The following MEIS2 variants were observed in gnomAD, a reference collection of about 807,000 sequenced individuals.
MEIS2 encodes the protein Meis homeobox 2.
MEIS2 carries 9 observed loss-of-function variants against 58.6 expected under a neutral mutation model. The ratio of observed to expected loss-of-function variants is 0.15; its 90% CI spans 0.09 to 0.27. The LOEUF is 0.27. Ranked by LOEUF, MEIS2 falls within the 10% of genes least tolerant of loss-of-function variation. The pLI is 1.00. For synonymous variants in MEIS2, 221 were observed against 228.4 expected, an observed-to-expected ratio of 0.97 and a Z score of 0.29; for missense variants, 427 against 635.0, an observed-to-expected ratio of 0.67 and a Z score of 3.52.
chr15:37,083,749 A>G, intron 7 of MEIS2, 22 bp downstream of exon 7: 1 of 1,599,736 alleles, frequency 6.3e-7, no homozygotes, highest in Non-Finnish European at 8.6e-7. Context: ...ACTTTGCACG[A>G]GGAAAATGTT....
chr15:37,072,101 G>A (rs1478932880), intron 7 of MEIS2, among the ~76,000 whole-genome samples: 3 of 151,882 alleles, frequency 2.0e-5, no homozygotes, highest in Non-Finnish European at 4.4e-5. Context: ...CATTCAACAC[G>A]CACCCACCTT....
At chr15:37,077,336 C>G (rs1848629257) in intron 7 of MEIS2, among the ~76,000 whole-genome samples, 1 of 151,978 alleles carries the variant, frequency 6.6e-6, no homozygotes, top group South Asian at 2.1e-4. Context: ...TCTACAAGTT[C>G]CCCGAAAGCC....
At chr15:37,096,034 C>T (rs552807782) in intron 3 of MEIS2, 298 of 477,396 alleles carry the variant, frequency 6.2e-4, no homozygotes, top group African/African-American at 5.3e-3. Flanking sequence ...GGCCAAGCCC[C>T]AGATTAGGAG....
chr15:37,095,688 C>A, intron 3 of MEIS2, 74 bp from the exon 4 acceptor site: 2 of 1,604,640 alleles, frequency 1.2e-6, no homozygotes, highest in Non-Finnish European at 1.7e-6. Flanking sequence ...AGAATGGGTA[C>A]GGTGGAGGGC....
chr15:37,061,600 A>C (rs1325492293), intron 7 of MEIS2, among the ~76,000 whole-genome samples: 1 of 152,216 alleles, frequency 6.6e-6, no homozygotes, highest in Non-Finnish European at 1.5e-5. Flanking sequence ...TACCTTGTTA[A>C]GTCATTCATT....
At chr15:37,030,353 G>T (rs2061864968) in intron 8 of MEIS2, among the ~76,000 whole-genome samples, 1 of 151,924 alleles carries the variant, frequency 6.6e-6, no homozygotes, top group South Asian at 2.1e-4. Context: ...CTACTGAGGG[G>T]TATTTCCATT....
chr15:37,090,837 T>C (rs568869395), intron 6 of MEIS2, among the ~76,000 whole-genome samples: 1 of 152,286 alleles, frequency 6.6e-6, no homozygotes, highest in African/African-American at 2.4e-5. Flanking sequence ...TCATTATTCA[T>C]AGCCAATAAG....
At chr15:36,911,757 A>G (rs1169262987) in intron 9 of MEIS2, among the ~76,000 whole-genome samples, 1 of 152,190 alleles carries the variant, frequency 6.6e-6, no homozygotes, top group Non-Finnish European at 1.5e-5. Flanking sequence ...GGAGGCAAAA[A>G]TGACTCAATT....
intron 7 of MEIS2, among the ~76,000 whole-genome samples, chr15:37,067,811 A>G (rs980719015): frequency 1.3e-5 from 2 of 152,160 alleles, no homozygotes; most frequent in African/African-American, 4.8e-5. Flanking sequence ...GTCTTGAGCT[A>G]TTGTTCTCTT....
chr15:37,100,880 A>AG, upstream of MEIS2: 1 of 151,656 alleles, frequency 6.6e-6, no homozygotes, highest in East Asian at 2.0e-4. Flanking sequence ...TTAAAAAAAA[A>AG]AAAAAACTTA....
At chr15:37,035,770 T>C (rs918449294) in intron 8 of MEIS2, among the ~76,000 whole-genome samples, 13 of 152,216 alleles carry the variant, frequency 8.5e-5, no homozygotes, top group African/African-American at 3.1e-4. Context: ...TTGCCCTTTG[T>C]AGCTCTGCAA....
At chr15:36,934,275 T>C (rs2058085197) in intron 9 of MEIS2, among the ~76,000 whole-genome samples, 1 of 152,124 alleles carries the variant, frequency 6.6e-6, no homozygotes, top group Non-Finnish European at 1.5e-5. Context: ...TGTTTTTTTT[T>C]TTCCTCCGTA....
At chr15:37,079,145 GAA>G (rs1439668341) in intron 7 of MEIS2, among the ~76,000 whole-genome samples, 1 of 151,966 alleles carries the variant, frequency 6.6e-6, no homozygotes. Context: ...AAAAGAGAAA[GAA>G]AATGCAATGT....
At chr15:37,036,775 AC>A (rs2062172708) in intron 8 of MEIS2, 38 bp downstream of exon 8, 1 of 1,598,808 alleles carries the variant, frequency 6.3e-7, no homozygotes, top group African/African-American at 1.4e-5. Flanking sequence ...TAGCAAAACA[AC>A]AAAAACTATT....
chr15:37,038,095 T>C (rs2062239489), intron 7 of MEIS2, among the ~76,000 whole-genome samples: 1 of 152,206 alleles, frequency 6.6e-6, no homozygotes, highest in East Asian at 1.9e-4. Context: ...CATCTGGGAA[T>C]TGCACTGAGA....
chr15:36,974,317 G>A (rs1368519782), intron 8 of MEIS2, among the ~76,000 whole-genome samples: 3 of 151,782 alleles, frequency 2.0e-5, no homozygotes, highest in African/African-American at 7.3e-5. Flanking sequence ...TCTTTCCATC[G>A]AGCCACAGAA....
chr15:37,049,036 G>T (rs376041396), intron 7 of MEIS2, among the ~76,000 whole-genome samples: 36 of 152,250 alleles, frequency 2.4e-4, no homozygotes, highest in African/African-American at 8.7e-4. Flanking sequence ...CACTTTAAAA[G>T]TAAAGTGATG....
At chr15:36,948,248 A>G (rs2058640584) in intron 9 of MEIS2, among the ~76,000 whole-genome samples, 3 of 151,914 alleles carry the variant, frequency 2.0e-5, no homozygotes, top group Admixed American at 2.0e-4. Flanking sequence ...TCTGTGGCAA[A>G]TATGGCTCAA....
intron 8 of MEIS2, among the ~76,000 whole-genome samples, chr15:37,000,975 G>C (rs538808877): frequency 6.6e-6 from 1 of 152,120 alleles, no homozygotes; most frequent in South Asian, 2.1e-4. Context: ...AGACTCTACA[G>C]ACCGAAAGGT....
Sources: gnomAD v4.1 joint callset for allele counts (sites outside exome capture counted in the v4.1 genomes callset) on GRCh38, gnomAD v4.1.1 for gene constraint, MANE v1.5 for transcripts, NCBI Gene and HGNC (gene_info 2026-07-23, HGNC 2026-07-21) for gene names.